CSMD1: variants seen among roughly 807,000 people sequenced by gnomAD.
The protein encoded by CSMD1 is CUB and sushi domain-containing protein 1.
CSMD1 carries 213 observed loss-of-function variants against 417.5 expected under a neutral mutation model. That is an observed-to-expected ratio of 0.51 (90% confidence interval 0.46 to 0.57). CSMD1 has a LOEUF of 0.57. Among genes scored for constraint, CSMD1 ranks in the 20% least tolerant of loss-of-function variants. The pLI is 0.00. For missense variants in CSMD1, 6,923 were observed against 4,529.7 expected (o/e 1.53, Z -15.17); for synonymous variants, 2,862 against 1,736.8 (o/e 1.65, Z -16.11).
At chr8:3,487,085 C>A (rs1249831623) in intron 11 of CSMD1, among the ~76,000 whole-genome samples, 1 of 152,196 alleles carries the variant, frequency 6.6e-6, no homozygotes, top group African/African-American at 2.4e-5. Flanking sequence ...GCCAAGTAAC[C>A]ATTACTACAG....
At chr8:3,994,747 T>C (rs1448791453) in intron 5 of CSMD1, among the ~76,000 whole-genome samples, 1 of 152,230 alleles carries the variant, frequency 6.6e-6, no homozygotes, top group Non-Finnish European at 1.5e-5. Flanking sequence ...TTAGACTGCC[T>C]CCACTGCTGC....
At chr8:4,955,780 G>GAATCCCA (rs1563861954) in intron 1 of CSMD1, among the ~76,000 whole-genome samples, 3 of 47,958 alleles carry the variant, frequency 6.3e-5, no homozygotes, top group Non-Finnish European at 1.0e-4. Context: ...TGCATGTTAG[G>GAATCCCA]TGGTGGCGTA....
At chr8:3,928,787 CCCCCGGG>C (rs1809932681) in intron 5 of CSMD1, among the ~76,000 whole-genome samples, 2 of 143,038 alleles carry the variant, frequency 1.4e-5, no homozygotes. Flanking sequence ...ACCCCGCCCA[CCCCCGGG>C]CCAGTTCTAT....
intron 5 of CSMD1, among the ~76,000 whole-genome samples, chr8:3,891,905 C>T (rs1364366078): frequency 1.3e-5 from 2 of 152,068 alleles, no homozygotes; most frequent in Admixed American, 6.6e-5. Context: ...ACATGATTTA[C>T]AAAATTATCA....
intron 3 of CSMD1, among the ~76,000 whole-genome samples, chr8:4,372,491 C>T (rs560474433): frequency 1.5e-4 from 23 of 151,576 alleles, no homozygotes; most frequent in Middle Eastern, 3.4e-3. Context: ...AAAACAACAA[C>T]AACAAAAAAC....
At chr8:3,384,691 TTA>T (rs1262208103) in intron 18 of CSMD1, among the ~76,000 whole-genome samples, 5 of 118,928 alleles carry the variant, frequency 4.2e-5, no homozygotes, top group Admixed American at 2.3e-4. Flanking sequence ...AAATATATAT[TTA>T]TATAAATTAT....
intron 5 of CSMD1, among the ~76,000 whole-genome samples, chr8:3,785,247 G>C (rs534175538): frequency 6.6e-6 from 1 of 152,212 alleles, no homozygotes; most frequent in African/African-American, 2.4e-5. Flanking sequence ...GAAATGCTCA[G>C]AAGAGTGTCT....
intron 1 of CSMD1, among the ~76,000 whole-genome samples, chr8:4,890,002 T>C (rs1445938534): frequency 2.6e-5 from 4 of 152,150 alleles, no homozygotes; most frequent in Admixed American, 6.5e-5. Flanking sequence ...ACTTCAGGTA[T>C]CTTACCTAAT....
chr8:3,696,191 C>A (rs1482994568), intron 7 of CSMD1, among the ~76,000 whole-genome samples: 1 of 152,134 alleles, frequency 6.6e-6, no homozygotes, highest in Non-Finnish European at 1.5e-5. Flanking sequence ...TGATGTTATT[C>A]CATATGCCCT....
At chr8:3,367,631 T>TG (rs1809683780) in intron 19 of CSMD1, among the ~76,000 whole-genome samples, 1 of 151,642 alleles carries the variant, frequency 6.6e-6, no homozygotes, top group African/African-American at 2.4e-5. Flanking sequence ...GCTTTAGAAA[T>TG]GAAAAAAAGC....
At chr8:4,408,866 T>C (rs1410079363) in intron 3 of CSMD1, among the ~76,000 whole-genome samples, 2 of 152,182 alleles carry the variant, frequency 1.3e-5, no homozygotes, top group Admixed American at 6.5e-5. Flanking sequence ...ATACTTACGT[T>C]TAGAAACACA....
chr8:4,297,828 G>A lies in CSMD1; in HGVS notation c.415+122125C>T, dbSNP rs149092002. Among the ~76,000 whole-genome samples, 595 of 152,200 alleles carry A rather than the reference G, an allele frequency of 3.9e-3. 5 individuals carry two copies. Among genetic ancestry groups the A allele is most frequent in the South Asian group, 0.035 (168 of 4,824 alleles). On this transcript the variant is annotated intron_variant, in intron 3 of 69. Transcript: ENST00000635120. ...AATTATATAATTAAATTTGATTTCT[G>A]AATATGCCATTATATAAACATTGCT...
intron 5 of CSMD1, among the ~76,000 whole-genome samples, chr8:3,914,719 C>A (rs1189908803): frequency 6.6e-6 from 1 of 152,016 alleles, no homozygotes; most frequent in African/African-American, 2.4e-5. Flanking sequence ...TTTTGACTAT[C>A]CCTTTTTTTT....
At chr8:3,563,599 T>A (rs1799567934) in intron 10 of CSMD1, among the ~76,000 whole-genome samples, 1 of 152,034 alleles carries the variant, frequency 6.6e-6, no homozygotes, top group African/African-American at 2.4e-5. Context: ...GTAAAAACAT[T>A]TTTTAACCTG....
intron 12 of CSMD1, among the ~76,000 whole-genome samples, chr8:3,459,123 C>G (rs1330778502): frequency 6.6e-6 from 1 of 152,220 alleles, no homozygotes; most frequent in East Asian, 1.9e-4. Flanking sequence ...GCATGCTACA[C>G]TGTGCTACAG....
intron 1 of CSMD1, among the ~76,000 whole-genome samples, chr8:4,893,904 G>T (rs548476070): frequency 2.0e-5 from 3 of 152,040 alleles, no homozygotes; most frequent in Non-Finnish European, 4.4e-5. Context: ...CCAAGGGGGC[G>T]GGGCAATGTC....
chr8:4,951,953 G>A (rs1238164077), intron 1 of CSMD1, among the ~76,000 whole-genome samples: 1 of 151,218 alleles, frequency 6.6e-6, no homozygotes, highest in Non-Finnish European at 1.5e-5. Context: ...GCCTGAAACT[G>A]GTGACTCCTT....
intron 3 of CSMD1, among the ~76,000 whole-genome samples, chr8:4,166,276 C>G (rs913982376): frequency 1.3e-5 from 2 of 152,068 alleles, no homozygotes; most frequent in Non-Finnish European, 1.5e-5. Flanking sequence ...AATACATAAA[C>G]ATAAAAGTTC....
intron 18 of CSMD1, among the ~76,000 whole-genome samples, chr8:3,386,664 G>C (rs966500770): frequency 4.6e-5 from 7 of 152,170 alleles, no homozygotes; most frequent in Non-Finnish European, 1.0e-4. Flanking sequence ...AGATGTAAAT[G>C]AAATATTTTT....
Sources: allele counts gnomAD v4.1 joint callset (sites outside exome capture counted in the v4.1 genomes callset), GRCh38; gene constraint gnomAD v4.1.1; transcripts MANE v1.5; gene names NCBI Gene and HGNC (gene_info 2026-07-23, HGNC 2026-07-21).